NRXN3: variants seen among roughly 807,000 people sequenced by gnomAD.
The protein encoded by NRXN3 is neurexin 3, also known as neurexin III.
Under a neutral mutation model 137.6 loss-of-function variants are expected in NRXN3, and 32 were observed. The observed-to-expected ratio is 0.23, with a 90% CI of 0.18 to 0.31. The LOEUF (loss-of-function observed/expected upper bound fraction) is 0.31, where lower values mean the gene tolerates loss of function less well. Among genes scored for constraint, NRXN3 ranks in the 10% least tolerant of loss-of-function variants. The probability of loss-of-function intolerance (pLI) is 1.00; values close to 1 mark genes in which losing one functional copy is unlikely to be tolerated. For synonymous variants in NRXN3, 798 were observed against 784.5 expected, an observed-to-expected ratio of 1.02 and a Z score of -0.29; for missense variants, 1,574 against 2,062.5, an observed-to-expected ratio of 0.76 and a Z score of 4.59.
At chr14:79,016,169 T>A (rs987351549) in intron 15 of NRXN3, among the ~76,000 whole-genome samples, 2 of 152,026 alleles carry the variant, frequency 1.3e-5, no homozygotes, top group Non-Finnish European at 2.9e-5. Flanking sequence ...CTTTGTGCAG[T>A]GGGAAGGAAA....
At chr14:78,275,735 TGGA>T (rs2073480154) in intron 2 of NRXN3, among the ~76,000 whole-genome samples, 1 of 152,140 alleles carries the variant, frequency 6.6e-6, no homozygotes, top group African/African-American at 2.4e-5. Context: ...CTACTACCCT[TGGA>T]GCTCAAGTGG....
chr14:79,527,367 T>C (rs2097130234), intron 16 of NRXN3, among the ~76,000 whole-genome samples: 1 of 149,502 alleles, frequency 6.7e-6, no homozygotes. Flanking sequence ...GAGATGGTGG[T>C]TAGAAGAGGC....
At chr14:79,624,864 CAT>C (rs2098266979) in intron 16 of NRXN3, among the ~76,000 whole-genome samples, 1 of 148,962 alleles carries the variant, frequency 6.7e-6, no homozygotes, top group African/African-American at 2.6e-5. Context: ...AGTACAGTCA[CAT>C]GATTCCAGCT....
chr14:78,431,970 T>C (rs1416163976), intron 4 of NRXN3, among the ~76,000 whole-genome samples: 1 of 152,126 alleles, frequency 6.6e-6, no homozygotes, highest in Admixed American at 6.6e-5. Context: ...GGCTACACTC[T>C]TTCCGTGGCC....
At chr14:79,442,616 G>A (rs2095984513) in intron 15 of NRXN3, among the ~76,000 whole-genome samples, 1 of 152,154 alleles carries the variant, frequency 6.6e-6, no homozygotes, top group South Asian at 2.1e-4. Context: ...GATACCAGAA[G>A]GAACCTGGAG....
At chr14:78,965,526 T>A (rs756604289) in intron 11 of NRXN3, among the ~76,000 whole-genome samples, 2 of 152,152 alleles carry the variant, frequency 1.3e-5, no homozygotes, top group Non-Finnish European at 2.9e-5. Flanking sequence ...AATTACGTGT[T>A]ATTATAAGAT....
intron 16 of NRXN3, among the ~76,000 whole-genome samples, chr14:79,655,434 T>C (rs958871133): frequency 6.6e-6 from 1 of 152,234 alleles, no homozygotes; most frequent in Non-Finnish European, 1.5e-5. Flanking sequence ...TTAGATCAAA[T>C]ATTTAAAAAT....
chr14:79,753,715 TATA>T (rs200409976), intron 19 of NRXN3, among the ~76,000 whole-genome samples: 9,145 of 150,582 alleles, frequency 0.061, 322 homozygotes, highest in South Asian at 0.18. Flanking sequence ...AAACTTAAAG[TATA>T]ATAATAATAA....
chr14:78,543,859 G>T (rs565817050), intron 4 of NRXN3, among the ~76,000 whole-genome samples: 42 of 152,200 alleles, frequency 2.8e-4, no homozygotes, highest in Non-Finnish European at 2.9e-4. Flanking sequence ...CAACAAAAAA[G>T]TCAAAGCCGG....
chr14:78,628,886 G>A (rs61976106), intron 4 of NRXN3, among the ~76,000 whole-genome samples: 9,275 of 152,142 alleles, frequency 0.061, 341 homozygotes, highest in Middle Eastern at 0.15. Context: ...CTCTTGTTTT[G>A]GTAGGAGAAA....
chr14:79,454,297 T>A (rs1345098262), intron 15 of NRXN3, among the ~76,000 whole-genome samples: 2 of 152,150 alleles, frequency 1.3e-5, no homozygotes, highest in African/African-American at 4.8e-5. Flanking sequence ...TTGGCCACGA[T>A]GGTCTCGATC....
intron 10 of NRXN3, among the ~76,000 whole-genome samples, chr14:78,866,648 T>C (rs1308842609): frequency 1.3e-5 from 2 of 151,892 alleles, no homozygotes; most frequent in Non-Finnish European, 2.9e-5. Context: ...TAGATTAACC[T>C]ATCATAGCTT....
chr14:79,046,697 A>T (rs577856049), intron 15 of NRXN3, among the ~76,000 whole-genome samples: 1 of 152,290 alleles, frequency 6.6e-6, no homozygotes, highest in African/African-American at 2.4e-5. Flanking sequence ...TAACTCTCTA[A>T]GGTTAAATAT....
intron 19 of NRXN3, among the ~76,000 whole-genome samples, chr14:79,754,961 G>A (rs191436856): frequency 6.6e-6 from 1 of 152,066 alleles, no homozygotes; most frequent in East Asian, 1.9e-4. Context: ...TGCCATAATT[G>A]TAAGTTTCCT....
At chr14:78,947,877 T>C (rs1044480126) in intron 10 of NRXN3, among the ~76,000 whole-genome samples, 1 of 152,180 alleles carries the variant, frequency 6.6e-6, no homozygotes, top group Non-Finnish European at 1.5e-5. Flanking sequence ...TGGGAAGCAA[T>C]CTATCTGTGG....
chr14:79,506,241 G>A (rs1283378516), intron 16 of NRXN3, among the ~76,000 whole-genome samples: 1 of 152,142 alleles, frequency 6.6e-6, no homozygotes, highest in Non-Finnish European at 1.5e-5. Flanking sequence ...CCAAGAAGCA[G>A]GATCACTGGA....
At chr14:79,519,089 C>A (rs1285529721) in intron 16 of NRXN3, among the ~76,000 whole-genome samples, 2 of 152,250 alleles carry the variant, frequency 1.3e-5, no homozygotes, top group East Asian at 3.9e-4. Flanking sequence ...AGGTGACAGA[C>A]AACTTCCTCC....
chr14:79,433,914 A>G (rs1001153897), intron 15 of NRXN3, among the ~76,000 whole-genome samples: 1 of 152,202 alleles, frequency 6.6e-6, no homozygotes, highest in Admixed American at 6.6e-5. Context: ...CCAGTCTTTC[A>G]CAATGCAAAA....
At chr14:78,683,996 T>C (rs576966418) in intron 6 of NRXN3, among the ~76,000 whole-genome samples, 123 of 152,222 alleles carry the variant, frequency 8.1e-4, no homozygotes, top group Non-Finnish European at 1.4e-3. Flanking sequence ...TAGTTAACTC[T>C]AAAGGAAGGA....
Sources: gnomAD v4.1 joint callset for allele counts (sites outside exome capture counted in the v4.1 genomes callset) on GRCh38, gnomAD v4.1.1 for gene constraint, MANE v1.5 for transcripts, NCBI Gene and HGNC (gene_info 2026-07-23, HGNC 2026-07-21) for gene names.